The following SDHA variants were observed in gnomAD, a reference collection of about 807,000 sequenced individuals.
SDHA encodes succinate dehydrogenase [ubiquinone] flavoprotein subunit, mitochondrial.
SDHA carries 48 observed loss-of-function variants against 78.4 expected under a neutral mutation model. That is an observed-to-expected ratio of 0.61 (90% CI 0.49 to 0.78). The LOEUF (loss-of-function observed/expected upper bound fraction) is 0.78, where lower values mean the gene tolerates loss of function less well. SDHA is among the 30% of genes least tolerant of loss of function. The pLI is 0.00. For synonymous variants in SDHA, 326 were observed against 353.9 expected (o/e 0.92, Z 0.88); for missense variants, 680 against 892.7 (o/e 0.76, Z 3.04).
chr5:259,546 C>A (rs1207563769), downstream of SDHA, among the ~76,000 whole-genome samples: 2 of 33,014 alleles, frequency 6.1e-5, no homozygotes, highest in African/African-American at 2.4e-4. Flanking sequence ...CAGAGCATTA[C>A]CGTGTGAGCT....
chr5:253,476 TC>T (rs1229218037), intron 13 of SDHA, among the ~76,000 whole-genome samples: 2 of 152,118 alleles, frequency 1.3e-5, no homozygotes, highest in Non-Finnish European at 2.9e-5. Flanking sequence ...AATCTCACTG[TC>T]CCCCAGGCTG....
chr5:225,267 T>C lies in SDHA; in HGVS notation c.313-152T>C, dbSNP rs188791058. 537 of 926,194 alleles carry C rather than the reference T, an allele frequency of 5.8e-4. 2 individuals carry two copies. The highest frequency in any genetic ancestry group is 4.8e-3 in the East Asian group (200 of 41,486). 57.4% of individuals were successfully genotyped at this position (926,194 alleles called of 1,614,324 possible). A position where few individuals can be genotyped will look rare whatever the true frequency, so the allele number is the denominator to read the frequency against. ...GGGTTGTGATCTGGAATCTGTCGGG[T>C]CTCGCTGCTCCTCTGCTGAGGTCAG... On this transcript the variant is annotated intron_variant, in intron 3 of 14. Coordinates refer to ENST00000264932, the MANE Select transcript of SDHA (RefSeq NM_004168.4).
chr5:247,913 T>C (rs748154093), intron 11 of SDHA, among the ~76,000 whole-genome samples: 51 of 152,224 alleles, frequency 3.4e-4, no homozygotes, highest in Non-Finnish European at 6.3e-4. Context: ...AAAGAATGAA[T>C]CTTTCCCTGA....
the SDHA span, among the ~76,000 whole-genome samples, chr5:265,443 T>C: frequency 6.6e-6 from 1 of 152,144 alleles, no homozygotes; most frequent in East Asian, 1.9e-4. Context: ...AATTGGTCAC[T>C]CTTGGAGGTA....
chr5:231,837 C>T (rs1049473363), intron 7 of SDHA, among the ~76,000 whole-genome samples: 1 of 152,114 alleles, frequency 6.6e-6, no homozygotes, highest in Non-Finnish European at 1.5e-5. Context: ...TGACAGAACC[C>T]CATGTGACAT....
intron 13 of SDHA, among the ~76,000 whole-genome samples, chr5:253,666 C>T (rs1040430970): frequency 1.3e-5 from 2 of 152,138 alleles, no homozygotes; most frequent in African/African-American, 4.8e-5. Flanking sequence ...AACTCCTGAC[C>T]TCAAGTGAAC....
At chr5:237,573 G>C (rs1735860937) in intron 10 of SDHA, among the ~76,000 whole-genome samples, 1 of 134,746 alleles carries the variant, frequency 7.4e-6, no homozygotes, top group South Asian at 2.1e-4. Context: ...GCTCAGAACA[G>C]TGTGAGGTGG....
chr5:232,140 T>C (rs1320796200), intron 7 of SDHA, among the ~76,000 whole-genome samples: 1 of 152,192 alleles, frequency 6.6e-6, no homozygotes, highest in Non-Finnish European at 1.5e-5. Context: ...CTGTGTCTTC[T>C]CTTTCTCTGT....
intron 3 of SDHA, chr5:224,880 A>C (rs1290856305): frequency 1.6e-5 from 6 of 370,462 alleles, no homozygotes; most frequent in Non-Finnish European, 3.1e-5. Flanking sequence ...CAAGGGTTTC[A>C]TTTGTCCCTG....
chr5:247,357 C>T (rs1285517565), intron 11 of SDHA, among the ~76,000 whole-genome samples: 8 of 152,236 alleles, frequency 5.3e-5, no homozygotes, highest in African/African-American at 1.9e-4. Flanking sequence ...TTTTACATCA[C>T]TCACATTAGG....
intron 13 of SDHA, among the ~76,000 whole-genome samples, chr5:253,416 T>A (rs1308490638): frequency 6.6e-6 from 1 of 152,306 alleles, no homozygotes; most frequent in African/African-American, 2.4e-5. Context: ...TTTGCCAGAA[T>A]ACAGAATAAT....
Position 237,261 on chromosome 5 carries a change from G to A in SDHA, c.1432+662G>A, listed in dbSNP as rs193248792. ...ACTTATTTGCAATGAAATATTTTAA[G>A]TAGTTGGCATGAATGAATATGTAAC... On this transcript the variant is annotated intron_variant, in intron 10 of 14. Coordinates refer to ENST00000264932, the MANE Select transcript of SDHA (RefSeq NM_004168.4). Among the ~76,000 whole-genome samples, 8 of 134,114 alleles carry A rather than the reference G, an allele frequency of 6.0e-5. 1 individual carries two copies. The highest frequency in any genetic ancestry group is 1.1e-4 in the Non-Finnish European group (7 of 66,180). 88.0% of individuals were successfully genotyped at this position (134,114 alleles called of 152,430 possible).
intron 7 of SDHA, 52 bp from the exon 8 acceptor site, chr5:233,425 G>A: frequency 1.3e-6 from 2 of 1,587,802 alleles, no homozygotes; most frequent in African/African-American, 1.3e-5. Context: ...TAATGCATTT[G>A]AAATAGAGAT....
At chr5:257,449 C>G (rs1254312120), downstream of SDHA, among the ~76,000 whole-genome samples, 2 of 148,942 alleles carry the variant, frequency 1.3e-5, no homozygotes, top group African/African-American at 5.1e-5. Context: ...CGTGTGAGCT[C>G]CGCCTGCTGC....
chr5:224,040 C>T (rs1026166716), intron 2 of SDHA, among the ~76,000 whole-genome samples: 5 of 152,152 alleles, frequency 3.3e-5, no homozygotes, highest in African/African-American at 2.4e-5. Context: ...CTTATAAGCC[C>T]ACAATAGCGA....
chr5:249,620 TC>T (rs1161510405), intron 11 of SDHA: 4 of 152,400 alleles, frequency 2.6e-5, no homozygotes, highest in African/African-American at 9.6e-5. Flanking sequence ...TTTTAGTAAA[TC>T]TTATCACTGG....
chr5:253,425 A>G (rs1736979705), intron 13 of SDHA, among the ~76,000 whole-genome samples: 1 of 152,126 alleles, frequency 6.6e-6, no homozygotes, highest in Admixed American at 6.5e-5. Context: ...ATACAGAATA[A>G]TAGTAAATTT....
downstream of SDHA, among the ~76,000 whole-genome samples, chr5:258,767 C>T (rs1391262166): frequency 9.6e-6 from 1 of 104,042 alleles, no homozygotes; most frequent in African/African-American, 6.1e-5. Flanking sequence ...AGCTCCGCCC[C>T]CCGCCACAGC....
intron 8 of SDHA, 113 bp from the exon 9 acceptor site, chr5:235,031 A>G (rs1481969700): frequency 1.8e-6 from 2 of 1,085,998 alleles, no homozygotes; most frequent in Admixed American, 1.8e-5. Context: ...ATGAGGGGAA[A>G]TTTTCCTCAG....
Sources: allele counts gnomAD v4.1 joint callset (sites outside exome capture counted in the v4.1 genomes callset), GRCh38; gene constraint gnomAD v4.1.1; transcripts MANE v1.5; gene names NCBI Gene and HGNC (gene_info 2026-07-23, HGNC 2026-07-21).